Variants in LRRC34 observed in about 807,000 individuals in gnomAD.
LRRC34 encodes leucine-rich repeat-containing protein 34.
LRRC34 carries 44 observed loss-of-function variants against 48.5 expected under a neutral mutation model. The ratio of observed to expected loss-of-function variants is 0.91; its 90% confidence interval spans 0.71 to 1.17. The LOEUF is 1.17. Ranked by LOEUF, LRRC34 falls within the 50% of genes most tolerant of loss-of-function variation. The pLI, the probability that LRRC34 is intolerant of heterozygous loss-of-function variation, is 0.00. For missense variants in LRRC34, 502 were observed against 563.0 expected (o/e 0.89, Z 1.10); for synonymous variants, 192 against 197.6 (o/e 0.97, Z 0.24).
chr3:169,809,434 C>A (rs1364727238), intron 1 of LRRC34, among the ~76,000 whole-genome samples: 1 of 152,102 alleles, frequency 6.6e-6, no homozygotes, highest in Non-Finnish European at 1.5e-5. Context: ...CTTCTCCTAC[C>A]CAGCCTTCCA....
chr3:169,799,114 G>A (rs1438856324), intron 7 of LRRC34, among the ~76,000 whole-genome samples: 3 of 152,154 alleles, frequency 2.0e-5, no homozygotes, highest in African/African-American at 7.2e-5. Flanking sequence ...AAGATTCTGA[G>A]TGTCTTGTTG....
rs1233434897 is a variant in LRRC34, at chr3:169,796,735, T to C, written c.908+10A>G. On this transcript the variant is annotated intron_variant, in intron 8 of 10. Transcript: ENST00000446859. ...AACTTTGAATTATTAATGTGTAAAT[T>C]ATCACTTACCAGCTGACATCAAGGT... is the stretch of plus-strand genomic sequence containing the variant. 4 of 1,600,352 alleles carry C rather than the reference T, an allele frequency of 2.5e-6. No individual in the cohort carries two copies. In the African/African-American group the frequency reaches 5.4e-5, roughly 22 times the overall value.
intron 6 of LRRC34, among the ~76,000 whole-genome samples, chr3:169,803,574 G>C (rs141069889): frequency 6.6e-6 from 1 of 152,280 alleles, no homozygotes; most frequent in East Asian, 1.9e-4. Flanking sequence ...GGGATTACAG[G>C]CTTCCGCCAC....
intron 1 of LRRC34, among the ~76,000 whole-genome samples, chr3:169,810,271 T>C (rs1263153678): frequency 6.6e-6 from 1 of 152,126 alleles, no homozygotes; most frequent in Non-Finnish European, 1.5e-5. Context: ...AAATACATGT[T>C]AATCTGCAAT....
chr3:169,808,666 C>T lies in LRRC34; in HGVS notation c.219G>A (p.Leu73=). 6.3e-7 allele frequency: 1 copy of T among 1,578,380 alleles called. No individual in the cohort carries two copies. Among genetic ancestry groups the T allele is most frequent in the Non-Finnish European group, 8.7e-7 (1 of 1,152,470 alleles). ...CTTCATCCACTTCTTGGAGTATATG[C>T]AATATAAAAGGATTAATTTTCTGGG... is the stretch of plus-strand genomic sequence containing the variant. ...EKSQKINPFI[L]HILQEVDEEI... The change falls in exon 2 of 11, where the codon TTG becomes TTA. Residue 73 remains leucine (L), a synonymous_variant. Coordinates refer to ENST00000446859, the MANE Select transcript of LRRC34 (RefSeq NM_001172779.2).
rs547181949 is a variant in LRRC34 at position 169,812,029 on chromosome 3, G to GC, written c.139+380dup. Reference sequence around the variant, plus strand: ...TCAGAAACAGTATCAAGACCCTCATGCCCCCCTGTGACCTGCTCTCTGGGA... The same window carrying GC: ...TCAGAAACAGTATCAAGACCCTCATGCCCCCCCTGTGACCTGCTCTCTGGGA... On this transcript the variant is annotated intron_variant, in intron 1 of 10. Transcript: ENST00000446859. The surrounding 1 kb of genome is among the most constrained non-coding windows in gnomAD (Gnocchi z 4.3). Among the ~76,000 whole-genome samples the GC allele has an allele frequency of 6.6e-6, 1 of 152,014 alleles. No individual in the cohort carries two copies. The highest frequency in any genetic ancestry group is 1.5e-5 in the Non-Finnish European group (1 of 67,984).
At chr3:169,809,491 G>T (rs1028248754) in intron 1 of LRRC34, among the ~76,000 whole-genome samples, 1 of 152,168 alleles carries the variant, frequency 6.6e-6, no homozygotes, top group Non-Finnish European at 1.5e-5. Flanking sequence ...TAAGAAGACA[G>T]ACACAAAGCA....
intron 10 of LRRC34, 131 bp downstream of exon 10, chr3:169,795,354 G>GACTT (rs1228485327): frequency 3.3e-6 from 3 of 915,388 alleles, no homozygotes; most frequent in Admixed American, 6.3e-5. Context: ...TTAATTTTAA[G>GACTT]ACTTATGTTA....
rs778550544 is a variant in LRRC34, at chr3:169,812,486, G to A, written c.63C>T (p.Ala21=). The A allele has an allele frequency of 3.3e-6, 5 of 1,528,430 alleles. No individual in the cohort carries two copies. The highest frequency in any genetic ancestry group is 4.4e-6 in the Non-Finnish European group (5 of 1,143,886). The allele number at this position is 1,528,430 out of a possible 1,614,324, so 94.7% of individuals were successfully genotyped here. Residue 21 remains alanine, a synonymous_variant, in exon 1 of 11, where the codon GCC becomes GCT. Transcript: ENST00000446859. The surrounding 1 kb of genome is among the most constrained non-coding windows in gnomAD (Gnocchi z 4.3). The part of the protein sequence containing the change: ...ERSMGSSREA[A]RAPARSPAWA... ...AAGCCGGGGACCTGGCCGGCGCACG[G>A]GCGGCCTCCCGGGAGCTCCCCATGC...
At chr3:169,798,833 AC>A (rs1779086786) in intron 7 of LRRC34, among the ~76,000 whole-genome samples, 1 of 151,922 alleles carries the variant, frequency 6.6e-6, no homozygotes, top group Non-Finnish European at 1.5e-5. Context: ...GATTCTGATT[AC>A]CCTCCTTATG....
intron 1 of LRRC34, among the ~76,000 whole-genome samples, chr3:169,809,199 C>CTTTTTTT (rs35059929): frequency 8.8e-6 from 1 of 113,364 alleles, no homozygotes; most frequent in Non-Finnish European, 1.9e-5. Flanking sequence ...CTCAAGGTTT[C>CTTTTTTT]TTTTTTTTTT....
chr3:169,796,550 A>G, intron 8 of LRRC34, 181 bp from the exon 9 acceptor site: 4 of 915,316 alleles, frequency 4.4e-6, no homozygotes, highest in Non-Finnish European at 6.3e-6. Context: ...TTGTTTACAC[A>G]ACTAAATTGC....
rs1037286590 is a variant in LRRC34, at chr3:169,793,726, T to G, written c.1304A>C (p.Lys435Thr). Residue 435 changes from lysine to threonine, a missense_variant, in exon 11 of 11, where the codon AAG becomes ACG. Transcript: ENST00000446859. ...ATAAGTTGATGTCCAATAATAATGC[T>G]TTTTAAGGCCATTGGAGACTTCTGC... ...YLAEVSNGLK[K>T]HYYWTSTYGE... is the part of the protein sequence containing the mutation. 6.2e-6 allele frequency: 10 copies of G among 1,613,592 alleles called. No individual in the cohort carries two copies. The highest frequency in any genetic ancestry group is 8.5e-6 in the Non-Finnish European group (10 of 1,179,742).
chr3:169,802,489 T>C (rs1349724297), intron 6 of LRRC34, among the ~76,000 whole-genome samples: 1 of 152,226 alleles, frequency 6.6e-6, no homozygotes, highest in Non-Finnish European at 1.5e-5. Flanking sequence ...TCAGTCATTT[T>C]TGTAGCACTT....
intron 6 of LRRC34, among the ~76,000 whole-genome samples, chr3:169,803,363 T>A (rs1257919444): frequency 6.6e-6 from 1 of 152,162 alleles, no homozygotes; most frequent in Non-Finnish European, 1.5e-5. Context: ...TACAGGTGCA[T>A]GTCATGTCGC....
chr3:169,793,827 G>A lies in LRRC34; in HGVS notation c.1203C>T (p.Asp401=). 1.2e-6 allele frequency: 2 copies of A among 1,608,572 alleles called. No individual in the cohort carries two copies. The highest frequency in any genetic ancestry group is 1.7e-6 in the Non-Finnish European group (2 of 1,178,138). ...FDEATCIAYS[D]LIQMGCLKPD... ...GTTTTAGACAACCCATTTGAATTAA[G>A]TCTGAATATGCCTAGGATTTTTAGG... The change falls in exon 11 of 11, where the codon GAC becomes GAT. Residue 401 remains aspartate, a synonymous_variant. Coordinates refer to ENST00000446859, the MANE Select transcript of LRRC34 (RefSeq NM_001172779.2).
Position 169,793,472 on chromosome 3 carries a change from G to T in LRRC34, c.*163C>A. ...TTCTTTTAAAAAATTACCCTACTCA[G>T]TTTTTCACAATAGACAGTTATACAA... On this transcript the variant is annotated 3_prime_UTR_variant, in exon 11 of 11. Coordinates refer to ENST00000446859, the MANE Select transcript of LRRC34 (RefSeq NM_001172779.2). The T allele has an allele frequency of 1.9e-6, 1 of 520,318 alleles. No homozygotes were observed. The allele number at this position is 520,318 out of a possible 1,614,324, so 32.2% of individuals were successfully genotyped here. A position where few individuals can be genotyped will look rare whatever the true frequency, so the allele number is the denominator to read the frequency against.
intron 5 of LRRC34, 23 bp downstream of exon 5, chr3:169,806,825 G>C: frequency 1.3e-6 from 2 of 1,485,686 alleles, no homozygotes; most frequent in Non-Finnish European, 1.9e-6. Context: ...TACAATGTTA[G>C]TTTGAAATAC....
In LRRC34 at chr3:169,796,451, A is replaced by G. The variant is rs1778992916; in HGVS notation, c.909-82T>C. ...TGATAAGATGCTTGAAAACTTAAAC[A>G]GTACTTTCTGTTTTAGTAAAGGTTT... On this transcript the variant is annotated intron_variant, in intron 8 of 10. Coordinates refer to ENST00000446859, the MANE Select transcript of LRRC34 (RefSeq NM_001172779.2). 2.1e-6 allele frequency: 3 copies of G among 1,443,760 alleles called. No individual in the cohort carries two copies. The Admixed American group carries it at 7.3e-5, about 35-fold the overall frequency. The allele number at this position is 1,443,760 out of a possible 1,614,324, so 89.4% of individuals were successfully genotyped here.
Sources: allele counts gnomAD v4.1 joint callset (sites outside exome capture counted in the v4.1 genomes callset), GRCh38; gene constraint gnomAD v4.1.1; non-coding constraint Gnocchi (gnomAD v3.1); transcripts MANE v1.5; gene names NCBI Gene and HGNC (gene_info 2026-07-23, HGNC 2026-07-21).